Variants in BNC2 observed in about 807,000 individuals in gnomAD.
BNC2 encodes basonuclin zinc finger protein 2, also known as zinc finger protein basonuclin-2.
A neutral mutation model predicts 76.3 loss-of-function variants in BNC2; 20 were observed. The observed-to-expected ratio is 0.26, with a 90% confidence interval of 0.18 to 0.38. BNC2 has a LOEUF of 0.38. Among genes scored for constraint, BNC2 ranks in the 10% least tolerant of loss-of-function variants. The pLI, the probability that BNC2 is intolerant of heterozygous loss-of-function variation, is 1.00. For missense variants in BNC2, 1,382 were observed against 1,399.8 expected (o/e 0.99, Z 0.20); for synonymous variants, 582 against 514.8 (o/e 1.13, Z -1.77).
chr9:16,753,953 G>C (rs979905162), intron 1 of BNC2, among the ~76,000 whole-genome samples: 2 of 152,180 alleles, frequency 1.3e-5, no homozygotes, highest in African/African-American at 4.8e-5. Context: ...ATATGCCAAA[G>C]TGCAGACACT....
intron 1 of BNC2, among the ~76,000 whole-genome samples, chr9:16,828,472 T>G (rs1034519711): frequency 3.9e-5 from 6 of 152,192 alleles, no homozygotes; most frequent in Admixed American, 3.3e-4. Flanking sequence ...AGTTAGGTAG[T>G]ATGAAGCCAA....
intron 1 of BNC2, among the ~76,000 whole-genome samples, chr9:16,861,549 T>C (rs944032374): frequency 5.3e-5 from 8 of 151,930 alleles, no homozygotes; most frequent in Admixed American, 6.6e-5. Context: ...GATACACAAA[T>C]GGCCAATAAA....
intron 1 of BNC2, among the ~76,000 whole-genome samples, chr9:16,750,985 T>C (rs947609550): frequency 4.6e-5 from 7 of 152,198 alleles, no homozygotes; most frequent in African/African-American, 1.7e-4. Flanking sequence ...AGTACAGAGT[T>C]GTGTCTTTTT....
At chr9:16,606,119 G>A (rs567743635) in intron 3 of BNC2, among the ~76,000 whole-genome samples, 13 of 152,250 alleles carry the variant, frequency 8.5e-5, no homozygotes, top group African/African-American at 2.4e-4. Context: ...TTTCAATTAT[G>A]AGCAACATTT....
In BNC2 at chr9:16,413,069, C is replaced by G. The variant is rs1306406301; in HGVS notation, c.*5920G>C. On this transcript the variant is annotated 3_prime_UTR_variant, in exon 7 of 7. Transcript: ENST00000380672. Reference sequence around the variant, plus strand: ...TGACAAGTATGTTATTAGAAAGATACGAGGTGAAATTGAACTGAAGCTTCT... The same window carrying G: ...TGACAAGTATGTTATTAGAAAGATAGGAGGTGAAATTGAACTGAAGCTTCT... 6.6e-6 allele frequency: 1 copy of G among 152,558 alleles called. No homozygotes were observed. Among genetic ancestry groups the G allele is most frequent in the South Asian group, 2.1e-4 (1 of 4,824 alleles). 9.5% of individuals were successfully genotyped at this position (152,558 alleles called of 1,614,324 possible).
intron 3 of BNC2, among the ~76,000 whole-genome samples, chr9:16,649,865 T>C (rs990360016): frequency 6.6e-6 from 1 of 152,126 alleles, no homozygotes; most frequent in Non-Finnish European, 1.5e-5. Context: ...AGTAGTAAAC[T>C]TCAGAGGTAC....
At chr9:16,715,251 C>T (rs1403474344) in intron 3 of BNC2, among the ~76,000 whole-genome samples, 3 of 152,132 alleles carry the variant, frequency 2.0e-5, no homozygotes, top group African/African-American at 7.2e-5. Context: ...AATTATTTGA[C>T]TATTTTTTTG....
intron 1 of BNC2, among the ~76,000 whole-genome samples, chr9:16,817,476 A>G (rs1320798722): frequency 1.3e-5 from 2 of 152,328 alleles, no homozygotes; most frequent in African/African-American, 2.4e-5. Context: ...TCCCAATTCA[A>G]ATTCAAACAT....
chr9:16,817,338 C>T (rs932441638), intron 1 of BNC2, among the ~76,000 whole-genome samples: 1 of 152,118 alleles, frequency 6.6e-6, no homozygotes, highest in African/African-American at 2.4e-5. Flanking sequence ...CATTTGAGGA[C>T]AACTTTGTAA....
intron 1 of BNC2, among the ~76,000 whole-genome samples, chr9:16,865,924 C>A (rs1819533253): frequency 6.6e-6 from 1 of 152,088 alleles, no homozygotes; most frequent in Admixed American, 6.6e-5. Flanking sequence ...TAGCTGAACT[C>A]TTGAGTGTAC....
At chr9:16,761,254 A>C (rs79815130) in intron 1 of BNC2, among the ~76,000 whole-genome samples, 2,572 of 152,260 alleles carry the variant, frequency 0.017, 65 homozygotes, top group African/African-American at 0.056. Flanking sequence ...TCAAAACAAA[A>C]AACAACAACA....
chr9:16,502,784 T>C (rs1822548226), intron 5 of BNC2, among the ~76,000 whole-genome samples: 1 of 152,232 alleles, frequency 6.6e-6, no homozygotes, highest in Non-Finnish European at 1.5e-5. Flanking sequence ...GTAAGATTTA[T>C]TCTGCTGAAA....
Position 16,799,722 on chromosome 9 carries a change from A to G in BNC2, c.4-61237T>C, listed in dbSNP as rs541580482. Among the ~76,000 whole-genome samples, 5 of 152,358 alleles carry G rather than the reference A, an allele frequency of 3.3e-5. No individual in the cohort carries two copies. In the East Asian group the frequency reaches 7.7e-4, roughly 24 times the overall value. On this transcript the variant is annotated intron_variant, in intron 1 of 6. Coordinates refer to ENST00000380672, the MANE Select transcript of BNC2 (RefSeq NM_017637.6). ...AAAAATGCATGAAAATCCTCTGGAA[A>G]AGCCCAGTAAGGTAATCACCCAAGT...
At chr9:16,608,378 C>T (rs1214245419) in intron 3 of BNC2, among the ~76,000 whole-genome samples, 1 of 152,036 alleles carries the variant, frequency 6.6e-6, no homozygotes, top group Non-Finnish European at 1.5e-5. Context: ...TACAGGGGAG[C>T]TTCTTTTTTC....
At chr9:16,646,654 T>G (rs2133904085) in intron 3 of BNC2, among the ~76,000 whole-genome samples, 1 of 152,248 alleles carries the variant, frequency 6.6e-6, no homozygotes, top group South Asian at 2.1e-4. Flanking sequence ...CGTACTTTGG[T>G]TGGGGCGATA....
At chr9:16,645,358 TG>T (rs1821595015) in intron 3 of BNC2, among the ~76,000 whole-genome samples, 2 of 152,242 alleles carry the variant, frequency 1.3e-5, no homozygotes, top group African/African-American at 4.8e-5. Context: ...CCTTTTCACA[TG>T]TTCTAAGACC....
At chr9:16,550,283 G>A (rs1007019908) in intron 5 of BNC2, among the ~76,000 whole-genome samples, 13 of 152,070 alleles carry the variant, frequency 8.5e-5, no homozygotes, top group Non-Finnish European at 1.6e-4. Flanking sequence ...ATCAGCTATT[G>A]TTAGTGTTAG....
intron 3 of BNC2, among the ~76,000 whole-genome samples, chr9:16,676,758 A>T (rs1186108543): frequency 6.6e-6 from 1 of 152,264 alleles, no homozygotes; most frequent in Admixed American, 6.5e-5. Flanking sequence ...ATGTAGGGGC[A>T]TCCAGTTCAC....
intron 3 of BNC2, among the ~76,000 whole-genome samples, chr9:16,700,827 C>T (rs977965007): frequency 3.9e-5 from 6 of 152,144 alleles, no homozygotes; most frequent in African/African-American, 1.2e-4. Context: ...ATTAACTGAG[C>T]GTGGTGGCAC....
Sources: allele counts gnomAD v4.1 joint callset (sites outside exome capture counted in the v4.1 genomes callset), GRCh38; gene constraint gnomAD v4.1.1; transcripts MANE v1.5; gene names NCBI Gene and HGNC (gene_info 2026-07-23, HGNC 2026-07-21).